Variants in CPEB3 observed in about 807,000 individuals in gnomAD.
The protein encoded by CPEB3 is cytoplasmic polyadenylation element-binding protein 3.
In CPEB3, 20 loss-of-function variants were observed where a neutral mutation model predicts 67.2. The observed-to-expected ratio is 0.30, with a 90% CI of 0.21 to 0.43. The LOEUF is 0.43. CPEB3 is among the 20% of genes least tolerant of loss of function. The pLI is 1.00. For missense variants in CPEB3, 746 were observed against 968.6 expected, an observed-to-expected ratio of 0.77 and a Z score of 3.05; for synonymous variants, 376 against 393.1, an observed-to-expected ratio of 0.96 and a Z score of 0.51.
At chr10:92,257,306 A>T (rs976547734) in intron 1 of CPEB3, among the ~76,000 whole-genome samples, 4 of 149,864 alleles carry the variant, frequency 2.7e-5, no homozygotes, top group African/African-American at 7.3e-5. Flanking sequence ...TATTTATTTT[A>T]TTTTTTTTTT....
chr10:92,258,628 ATATATATAT>A lies in CPEB3; in HGVS notation c.-11-18276_-11-18268del, dbSNP rs1373407525. On this transcript the variant is annotated intron_variant, in intron 1 of 9. Transcript: ENST00000265997. ...CAGACTTCAATTATATTTTTTGAATATATATATATATATATATATATATATATATATATA... is the reference window on the plus strand; with the variant it reads ...CAGACTTCAATTATATTTTTTGAATAATATATATATATATATATATATATA... Among the ~76,000 whole-genome samples, 583 of 84,156 alleles carry A rather than the reference ATATATATAT, an allele frequency of 6.9e-3. 55 individuals are homozygous for A. Among genetic ancestry groups the A allele is most frequent in the African/African-American group, 0.028 (497 of 17,914 alleles). The allele number at this position is 84,156 out of a possible 152,430, so 55.2% of individuals were successfully genotyped here. A position where few individuals can be genotyped will look rare whatever the true frequency, so the allele number is the denominator to read the frequency against.
chr10:92,287,320 T>A (rs1453555642), intron 1 of CPEB3, among the ~76,000 whole-genome samples: 1 of 152,028 alleles, frequency 6.6e-6, no homozygotes, highest in Non-Finnish European at 1.5e-5. Context: ...AATGCAGGAG[T>A]GCATTTCAAT....
intron 1 of CPEB3, among the ~76,000 whole-genome samples, chr10:92,275,978 A>G (rs1436716156): frequency 6.7e-6 from 1 of 150,302 alleles, no homozygotes; most frequent in Non-Finnish European, 1.5e-5. Flanking sequence ...CCTCCCAAGT[A>G]GCTGGGACTA....
chr10:92,185,129 G>A (rs1197604963), intron 3 of CPEB3, among the ~76,000 whole-genome samples: 1 of 152,188 alleles, frequency 6.6e-6, no homozygotes, highest in African/African-American at 2.4e-5. Context: ...TCAAGTGCGT[G>A]ACATCTGATG....
intron 2 of CPEB3, among the ~76,000 whole-genome samples, chr10:92,195,301 G>T (rs1338542059): frequency 6.6e-6 from 1 of 152,152 alleles, no homozygotes; most frequent in Non-Finnish European, 1.5e-5. Context: ...CCCTTGGATA[G>T]GAAAGAGACA....
intron 2 of CPEB3, among the ~76,000 whole-genome samples, chr10:92,209,726 G>A (rs1200603008): frequency 6.7e-6 from 1 of 150,168 alleles, no homozygotes; most frequent in African/African-American, 2.5e-5. Context: ...ATCACAATAT[G>A]AGGAGTTCAA....
chr10:92,259,291 A>G (rs1852683309), intron 1 of CPEB3, among the ~76,000 whole-genome samples: 1 of 151,760 alleles, frequency 6.6e-6, no homozygotes, highest in African/African-American at 2.4e-5. Context: ...AGCCCTGCTC[A>G]AACCCTACCT....
At chr10:92,265,078 C>G (rs2134937227) in intron 1 of CPEB3, among the ~76,000 whole-genome samples, 1 of 151,878 alleles carries the variant, frequency 6.6e-6, no homozygotes, top group Middle Eastern at 3.4e-3. Context: ...AGGAGAATCA[C>G]TTGAACCCAG....
intron 9 of CPEB3, among the ~76,000 whole-genome samples, chr10:92,058,592 C>T (rs866724569): frequency 4.6e-4 from 65 of 140,378 alleles, no homozygotes; most frequent in African/African-American, 1.8e-3. Context: ...TACATACATA[C>T]ATATATATAT....
intron 1 of CPEB3, among the ~76,000 whole-genome samples, chr10:92,284,565 G>A (rs1842446780): frequency 6.6e-6 from 1 of 151,938 alleles, no homozygotes. Flanking sequence ...GGCCTGGAAT[G>A]TTCTTCCCTC....
At chr10:92,253,179 A>G (rs1407344368) in intron 1 of CPEB3, among the ~76,000 whole-genome samples, 1 of 152,076 alleles carries the variant, frequency 6.6e-6, no homozygotes, top group Non-Finnish European at 1.5e-5. Context: ...TCAGAAAACT[A>G]GGCTGGGCAC....
intron 4 of CPEB3, among the ~76,000 whole-genome samples, chr10:92,159,984 T>C (rs981619521): frequency 2.6e-5 from 4 of 151,500 alleles, no homozygotes; most frequent in Non-Finnish European, 5.9e-5. Context: ...GTTCACTCTG[T>C]CACCCAGGCT....
At position 92,261,417 on chromosome 10, in the gene CPEB3, AAAGG is replaced by A. The variant is rs1390811021; in HGVS notation, c.-11-21060_-11-21057del. 2.6e-5 allele frequency among the ~76,000 whole-genome samples: 4 copies of A among 152,198 alleles called. No individual in the cohort carries two copies. In the East Asian group the frequency reaches 7.7e-4, roughly 29 times the overall value. On this transcript the variant is annotated intron_variant, in intron 1 of 9. Coordinates refer to ENST00000265997, the MANE Select transcript of CPEB3 (RefSeq NM_014912.5). ...CCTTACTGTAAAGCTGCATCTGTCC[AAAGG>A]AAGGGGTCCCTTTTTCTGTTTTGTT... is the stretch of plus-strand genomic sequence containing the variant.
intron 2 of CPEB3, among the ~76,000 whole-genome samples, chr10:92,208,130 C>T (rs577684502): frequency 6.6e-6 from 1 of 152,272 alleles, no homozygotes; most frequent in East Asian, 1.9e-4. Flanking sequence ...TATAAGTATT[C>T]TATAAATAAA....
chr10:92,089,596 C>T (rs190063344), intron 8 of CPEB3, among the ~76,000 whole-genome samples: 107 of 152,094 alleles, frequency 7.0e-4, no homozygotes, highest in African/African-American at 2.3e-3. Flanking sequence ...ACCAGCCTGG[C>T]CAACATGGTG....
intron 2 of CPEB3, among the ~76,000 whole-genome samples, chr10:92,212,079 C>G (rs185143550): frequency 6.9e-4 from 105 of 151,742 alleles, no homozygotes; most frequent in African/African-American, 2.4e-3. Flanking sequence ...CGGGGTTTCA[C>G]TATGTTGGCC....
intron 2 of CPEB3, among the ~76,000 whole-genome samples, chr10:92,204,712 G>A (rs1428537440): frequency 6.6e-6 from 1 of 151,832 alleles, no homozygotes; most frequent in Non-Finnish European, 1.5e-5. Flanking sequence ...CAAGTTTATT[G>A]TACAACTCTA....
chr10:92,240,443 G>GCGAAAAT, intron 1 of CPEB3, 82 bp from the exon 2 acceptor site: 1 of 1,327,058 alleles, frequency 7.5e-7, no homozygotes, highest in South Asian at 1.8e-5. Context: ...TGTTTCACTT[G>GCGAAAAT]CGAAAATCCA....
chr10:92,071,109 T>A (rs2133130596), intron 9 of CPEB3, among the ~76,000 whole-genome samples: 1 of 142,246 alleles, frequency 7.0e-6, no homozygotes, highest in African/African-American at 2.9e-5. Flanking sequence ...ACACACACAC[T>A]TCCTTCAAGC....
Sources: gnomAD v4.1 joint callset for allele counts (sites outside exome capture counted in the v4.1 genomes callset) on GRCh38, gnomAD v4.1.1 for gene constraint, MANE v1.5 for transcripts, NCBI Gene and HGNC (gene_info 2026-07-23, HGNC 2026-07-21) for gene names.